Variants in NTRK2 observed in about 807,000 individuals in gnomAD.
NTRK2 encodes the protein BDNF/NT-3 growth factors receptor.
Under a neutral mutation model 94.5 loss-of-function variants are expected in NTRK2, and 13 were observed. The ratio of observed to expected loss-of-function variants is 0.14; its 90% CI spans 0.09 to 0.22. NTRK2 has a LOEUF of 0.22. Ranked by LOEUF, NTRK2 falls within the 10% of genes least tolerant of loss-of-function variation. The pLI is 1.00. For missense variants in NTRK2, 639 were observed against 1,071.2 expected (o/e 0.60, Z 5.63); for synonymous variants, 372 against 407.4 (o/e 0.91, Z 1.05).
chr9:84,734,561 C>T (rs980377642), intron 9 of NTRK2, among the ~76,000 whole-genome samples: 13 of 152,146 alleles, frequency 8.5e-5, no homozygotes, highest in Admixed American at 2.0e-4. Flanking sequence ...ATGATTTCCA[C>T]GTGTGGTGGG....
At chr9:84,813,417 C>T (rs1382942703) in intron 12 of NTRK2, 2 of 1,063,680 alleles carry the variant, frequency 1.9e-6, no homozygotes, top group South Asian at 4.6e-5. Flanking sequence ...AGTCTGTGGG[C>T]TGCCAGTTTA....
intron 12 of NTRK2, 43 bp downstream of exon 12, chr9:84,752,128 T>A (rs199851423): frequency 6.7e-7 from 1 of 1,491,230 alleles, no homozygotes; most frequent in Non-Finnish European, 9.4e-7. Context: ...GTGGATCATT[T>A]TTGGCTTATG....
intron 17 of NTRK2, among the ~76,000 whole-genome samples, chr9:85,008,416 A>G (rs1247972385): frequency 4.0e-5 from 6 of 151,786 alleles, no homozygotes; most frequent in Non-Finnish European, 5.9e-5. Flanking sequence ...TTTTGCACCA[A>G]CCAACAGTCC....
chr9:84,939,179 G>C (rs763870749), intron 15 of NTRK2, among the ~76,000 whole-genome samples: 1 of 151,360 alleles, frequency 6.6e-6, no homozygotes, highest in African/African-American at 2.4e-5. Context: ...AAACTGTAAA[G>C]ATGATATATA....
At chr9:84,878,287 G>A (rs2076145274) in intron 14 of NTRK2, among the ~76,000 whole-genome samples, 1 of 152,272 alleles carries the variant, frequency 6.6e-6, no homozygotes, top group Non-Finnish European at 1.5e-5. Flanking sequence ...ATGAGTGTAA[G>A]GTGAGTGAGC....
chr9:84,813,324 A>G (rs151051241), intron 12 of NTRK2: 20 of 1,020,652 alleles, frequency 2.0e-5, no homozygotes, highest in African/African-American at 8.3e-5. Context: ...TAGGAGAAAC[A>G]TGAAACCTGG....
rs1450277787 is a variant in NTRK2 at position 85,026,447 on chromosome 9, T to G, written c.*5010T>G. 4.3e-6 allele frequency: 1 copy of G among 232,108 alleles called. No individual in the cohort carries two copies. Among genetic ancestry groups the G allele is most frequent in the Non-Finnish European group, 8.5e-6 (1 of 117,442 alleles). 14.4% of individuals were successfully genotyped at this position (232,108 alleles called of 1,614,324 possible). A position where few individuals can be genotyped will look rare whatever the true frequency, so the allele number is the denominator to read the frequency against. ...AGGAAAAATATTACAGAAAATGAAA[T>G]GTAAAGGCCTATATCTTGCAGCTTG... On this transcript the variant is annotated 3_prime_UTR_variant, in exon 19 of 19. Coordinates refer to ENST00000277120, the MANE Select transcript of NTRK2 (RefSeq NM_006180.6).
At chr9:84,896,184 T>C (rs1268926034) in intron 14 of NTRK2, among the ~76,000 whole-genome samples, 2 of 152,240 alleles carry the variant, frequency 1.3e-5, no homozygotes, top group African/African-American at 4.8e-5. Context: ...CTACTCTAAA[T>C]ATAGCAGGAT....
intron 17 of NTRK2, among the ~76,000 whole-genome samples, chr9:85,004,599 G>C (rs1830755277): frequency 6.6e-6 from 1 of 152,172 alleles, no homozygotes; most frequent in South Asian, 2.1e-4. Context: ...CCTTGGGAGG[G>C]AATTCGCAGA....
chr9:84,934,118 C>T (rs1286085545), intron 14 of NTRK2, 44 bp from the exon 15 acceptor site: 1 of 1,612,416 alleles, frequency 6.2e-7, no homozygotes, highest in Admixed American at 1.7e-5. Context: ...GCCTTCACCT[C>T]CACATGCTTC....
intron 12 of NTRK2, among the ~76,000 whole-genome samples, chr9:84,803,438 G>A (rs928002403): frequency 6.6e-6 from 1 of 152,156 alleles, no homozygotes; most frequent in Non-Finnish European, 1.5e-5. Context: ...GCAGATATGC[G>A]GCCCTACCTT....
At chr9:84,891,375 G>A (rs906419439) in intron 14 of NTRK2, among the ~76,000 whole-genome samples, 10 of 151,472 alleles carry the variant, frequency 6.6e-5, no homozygotes, top group African/African-American at 2.4e-4. Context: ...AGGAAGACAC[G>A]GTGCATTGGA....
At chr9:85,015,025 T>A (rs1832063917) in intron 17 of NTRK2, among the ~76,000 whole-genome samples, 1 of 152,260 alleles carries the variant, frequency 6.6e-6, no homozygotes, top group Non-Finnish European at 1.5e-5. Flanking sequence ...CTTTGCTGGT[T>A]TAACCAAGTT....
intron 17 of NTRK2, among the ~76,000 whole-genome samples, chr9:84,992,798 T>C (rs1013193472): frequency 9.9e-5 from 15 of 152,226 alleles, no homozygotes; most frequent in African/African-American, 2.6e-4. Context: ...TCACTATGCT[T>C]ATATATGTTA....
At chr9:84,888,349 A>G (rs537957489) in intron 14 of NTRK2, among the ~76,000 whole-genome samples, 149 of 152,152 alleles carry the variant, frequency 9.8e-4, no homozygotes, top group African/African-American at 3.5e-3. Flanking sequence ...GCTCAGGCAG[A>G]AAGTGGCAGA....
At chr9:84,945,426 C>T (rs1478277045) in intron 15 of NTRK2, among the ~76,000 whole-genome samples, 1 of 152,168 alleles carries the variant, frequency 6.6e-6, no homozygotes, top group Non-Finnish European at 1.5e-5. Context: ...GTGAGAAAGG[C>T]ACTGGTGTGT....
intron 12 of NTRK2, among the ~76,000 whole-genome samples, chr9:84,849,682 A>T (rs1280223504): frequency 6.6e-6 from 1 of 152,214 alleles, no homozygotes; most frequent in Non-Finnish European, 1.5e-5. Flanking sequence ...GTAAGTAGAT[A>T]GCTAAAAATT....
chr9:84,870,275 G>A (rs2075794824), intron 14 of NTRK2, among the ~76,000 whole-genome samples: 1 of 126,924 alleles, frequency 7.9e-6, no homozygotes, highest in Non-Finnish European at 1.7e-5. Context: ...CACACATATA[G>A]GTATGTGTAC....
At chr9:84,932,325 A>G (rs1362051955) in intron 14 of NTRK2, among the ~76,000 whole-genome samples, 1 of 152,220 alleles carries the variant, frequency 6.6e-6, no homozygotes, top group African/African-American at 2.4e-5. Context: ...AAGAATTCGT[A>G]CTGTATAACT....
Sources: gnomAD v4.1 joint callset for allele counts (sites outside exome capture counted in the v4.1 genomes callset) on GRCh38, gnomAD v4.1.1 for gene constraint, MANE v1.5 for transcripts, NCBI Gene and HGNC (gene_info 2026-07-23, HGNC 2026-07-21) for gene names.